Variants in DENND1A observed in about 807,000 individuals in gnomAD.
DENND1A encodes DENN domain-containing protein 1A.
In DENND1A, 51 loss-of-function variants were observed where a neutral mutation model predicts 113.7. The observed-to-expected ratio is 0.45, with a 90% confidence interval of 0.36 to 0.57. The LOEUF (loss-of-function observed/expected upper bound fraction) is 0.57, where lower values mean the gene tolerates loss of function less well. Among genes scored for constraint, DENND1A ranks in the 20% least tolerant of loss-of-function variants. The probability of loss-of-function intolerance (pLI) is 0.00; values close to 1 mark genes in which losing one functional copy is unlikely to be tolerated. For synonymous variants in DENND1A, 565 were observed against 570.8 expected, an observed-to-expected ratio of 0.99 and a Z score of 0.14; for missense variants, 1,258 against 1,395.9, an observed-to-expected ratio of 0.90 and a Z score of 1.57.
chr9:123,572,024 C>T (rs991833154), intron 12 of DENND1A, among the ~76,000 whole-genome samples: 2 of 151,966 alleles, frequency 1.3e-5, no homozygotes, highest in Admixed American at 6.6e-5. Flanking sequence ...ATTTACATAC[C>T]TTAAGATTCA....
At chr9:123,403,265 T>G (rs2043644188) in intron 21 of DENND1A, 137 bp downstream of exon 21, 1 of 788,454 alleles carries the variant, frequency 1.3e-6, no homozygotes, top group Non-Finnish European at 2.1e-6. Context: ...GTTCCCTGAA[T>G]GACCCCTTTG....
At chr9:123,495,141 TTCTCTCTCTC>T (rs56390148) in intron 13 of DENND1A, among the ~76,000 whole-genome samples, 22 of 140,212 alleles carry the variant, frequency 1.6e-4, no homozygotes, top group Non-Finnish European at 2.1e-4. Flanking sequence ...CATTGTCTCT[TTCTCTCTCTC>T]TCTCTCTCTC....
At chr9:123,814,537 A>T (rs1837150612) in intron 2 of DENND1A, among the ~76,000 whole-genome samples, 1 of 152,170 alleles carries the variant, frequency 6.6e-6, no homozygotes, top group South Asian at 2.1e-4. Flanking sequence ...AAGCATAATA[A>T]ATTCAATTAG....
At chr9:123,784,784 C>A (rs1831859973) in intron 3 of DENND1A, among the ~76,000 whole-genome samples, 1 of 152,116 alleles carries the variant, frequency 6.6e-6, no homozygotes, top group Non-Finnish European at 1.5e-5. Flanking sequence ...GAAAGAATGG[C>A]TCAAAAAGAA....
At chr9:123,863,205 C>A (rs745533126) in intron 2 of DENND1A, among the ~76,000 whole-genome samples, 2 of 152,120 alleles carry the variant, frequency 1.3e-5, no homozygotes, top group African/African-American at 2.4e-5. Context: ...AATGTATGAT[C>A]CCCAGGAAAA....
chr9:123,906,720 T>C (rs1588181197), intron 1 of DENND1A, among the ~76,000 whole-genome samples: 1 of 57,218 alleles, frequency 1.7e-5, no homozygotes, highest in African/African-American at 8.8e-5. Context: ...TAATCAATAG[T>C]TTACCAACCA....
At chr9:123,553,407 C>T (rs765510304) in intron 13 of DENND1A, among the ~76,000 whole-genome samples, 8 of 150,962 alleles carry the variant, frequency 5.3e-5, no homozygotes, top group Non-Finnish European at 1.2e-4. Context: ...GCCGCCCCCC[C>T]CCCGCTCCTC....
At chr9:123,530,625 A>T (rs1326227606) in intron 13 of DENND1A, among the ~76,000 whole-genome samples, 4 of 152,192 alleles carry the variant, frequency 2.6e-5, no homozygotes, top group Non-Finnish European at 5.9e-5. Context: ...TAGTTTTTTT[A>T]AAAGTGAAGA....
At chr9:123,706,387 T>A (rs1027440117) in intron 5 of DENND1A, among the ~76,000 whole-genome samples, 7 of 151,844 alleles carry the variant, frequency 4.6e-5, no homozygotes, top group African/African-American at 1.7e-4. Context: ...CCTGACCTCA[T>A]GATCTGCCCA....
chr9:123,879,621 A>G (rs551825572), intron 1 of DENND1A, among the ~76,000 whole-genome samples: 1 of 152,260 alleles, frequency 6.6e-6, no homozygotes, highest in Admixed American at 6.5e-5. Context: ...AGCCATTACT[A>G]TGGTTTTACA....
At chr9:123,387,909 T>C in intron 21 of DENND1A, 51 bp from the exon 22 acceptor site, 2 of 1,274,230 alleles carry the variant, frequency 1.6e-6, no homozygotes, top group South Asian at 2.5e-5. Context: ...AGGGGCGCCC[T>C]CAGAACTTCA....
At chr9:123,548,249 A>C (rs1314023096) in intron 13 of DENND1A, among the ~76,000 whole-genome samples, 2 of 152,144 alleles carry the variant, frequency 1.3e-5, no homozygotes, top group East Asian at 3.8e-4. Context: ...ATGACCACTA[A>C]AATGGGAAAA....
At chr9:123,406,833 G>C (rs763948834) in intron 20 of DENND1A, among the ~76,000 whole-genome samples, 14 of 152,080 alleles carry the variant, frequency 9.2e-5, no homozygotes, top group Non-Finnish European at 1.3e-4. Flanking sequence ...GCCCCGCGGG[G>C]CCCCGGGGCA....
At chr9:123,792,452 C>T (rs529754237) in intron 3 of DENND1A, 135 bp downstream of exon 3, 707 of 880,814 alleles carry the variant, frequency 8.0e-4, no homozygotes, top group Non-Finnish European at 1.1e-3. Context: ...TACTTTTTGT[C>T]TTTGGTTCCT....
intron 5 of DENND1A, among the ~76,000 whole-genome samples, chr9:123,714,199 A>G (rs560283927): frequency 1.3e-5 from 2 of 152,230 alleles, no homozygotes; most frequent in Non-Finnish European, 2.9e-5. Flanking sequence ...CTCACATTGC[A>G]GCTAACCCTG....
At chr9:123,742,536 A>G (rs1457244247) in intron 5 of DENND1A, among the ~76,000 whole-genome samples, 1 of 152,256 alleles carries the variant, frequency 6.6e-6, no homozygotes, top group Non-Finnish European at 1.5e-5. Context: ...GCACCACAAG[A>G]GAGGCCATGC....
At chr9:123,478,739 T>C (rs1381338564) in intron 13 of DENND1A, among the ~76,000 whole-genome samples, 1 of 152,236 alleles carries the variant, frequency 6.6e-6, no homozygotes, top group Non-Finnish European at 1.5e-5. Flanking sequence ...GGTATGCAGG[T>C]ATTCACCATA....
At position 123,752,195 on chromosome 9, in the gene DENND1A, C is replaced by T. The variant is rs182756504; in HGVS notation, c.302+5508G>A. On this transcript the variant is annotated intron_variant, in intron 5 of 23. Coordinates refer to ENST00000394215, the MANE Select transcript of DENND1A (RefSeq NM_001352964.2). ...TCAAAATCTTGGATGAGTGTGATATCTGAAGAGTTTTCAAATGGAGATCTG... is the reference window on the plus strand; with the variant it reads ...TCAAAATCTTGGATGAGTGTGATATTTGAAGAGTTTTCAAATGGAGATCTG... Among the ~76,000 whole-genome samples, 327 of 152,104 alleles carry T rather than the reference C, an allele frequency of 2.1e-3. 3 individuals carry two copies. The highest frequency in any genetic ancestry group is 2.4e-3 in the Non-Finnish European group (162 of 67,996).
At chr9:123,498,534 A>G (rs1356917441) in intron 13 of DENND1A, among the ~76,000 whole-genome samples, 1 of 152,208 alleles carries the variant, frequency 6.6e-6, no homozygotes, top group Non-Finnish European at 1.5e-5. Context: ...ATGTCTTACC[A>G]AAGGTCAACA....
Sources: allele counts gnomAD v4.1 joint callset (sites outside exome capture counted in the v4.1 genomes callset), GRCh38; gene constraint gnomAD v4.1.1; transcripts MANE v1.5; gene names NCBI Gene and HGNC (gene_info 2026-07-23, HGNC 2026-07-21).